ABCA13: variants seen among roughly 807,000 people sequenced by gnomAD.
ABCA13 encodes ATP-binding cassette sub-family A member 13.
In ABCA13, 476 loss-of-function variants were observed where a neutral mutation model predicts 478.7. That is an observed-to-expected ratio of 0.99 (90% CI 0.92 to 1.07). The LOEUF is 1.07. Ranked by LOEUF, ABCA13 falls within the 50% of genes least tolerant of loss-of-function variation. The probability of loss-of-function intolerance (pLI) is 0.00; values close to 1 mark genes in which losing one functional copy is unlikely to be tolerated. For missense variants in ABCA13, 6,060 were observed against 5,910.6 expected, an observed-to-expected ratio of 1.03 and a Z score of -0.83; for synonymous variants, 2,252 against 2,158.9, an observed-to-expected ratio of 1.04 and a Z score of -1.20.
intron 37 of ABCA13, among the ~76,000 whole-genome samples, chr7:48,390,422 T>C (rs577024094): frequency 2.6e-4 from 40 of 152,334 alleles, no homozygotes; most frequent in South Asian, 8.3e-4. Flanking sequence ...AACTATTTTA[T>C]AGTATCCCCC....
At chr7:48,615,423 A>T (rs1792474375) in intron 59 of ABCA13, 46 bp downstream of exon 59, 2 of 1,497,542 alleles carry the variant, frequency 1.3e-6, no homozygotes, top group Non-Finnish European at 1.8e-6. Flanking sequence ...TATGAAATCA[A>T]TAGCATGATG....
chr7:48,597,757 T>A (rs1373273855), intron 58 of ABCA13, among the ~76,000 whole-genome samples: 6 of 152,208 alleles, frequency 3.9e-5, no homozygotes, highest in Non-Finnish European at 8.8e-5. Flanking sequence ...TATTCCAATA[T>A]CTCCTCCATC....
At chr7:48,521,437 C>T (rs1479213839) in intron 53 of ABCA13, among the ~76,000 whole-genome samples, 1 of 152,070 alleles carries the variant, frequency 6.6e-6, no homozygotes, top group African/African-American at 2.4e-5. Flanking sequence ...GTTACATAAC[C>T]CCTTTTAATA....
At chr7:48,604,496 A>C (rs1047219266) in intron 58 of ABCA13, among the ~76,000 whole-genome samples, 1 of 152,046 alleles carries the variant, frequency 6.6e-6, no homozygotes, top group Admixed American at 6.6e-5. Context: ...TTACCCAGTA[A>C]TCATTCAGGA....
intron 3 of ABCA13, among the ~76,000 whole-genome samples, chr7:48,205,398 A>G (rs1784796986): frequency 6.6e-6 from 1 of 152,166 alleles, no homozygotes; most frequent in Non-Finnish European, 1.5e-5. Flanking sequence ...TTGTAATCCC[A>G]TTGTGACATG....
rs1332187832 is a variant in ABCA13 at position 48,248,361 on chromosome 7, G to C, written c.1782G>C (p.Arg594=). 9.3e-6 allele frequency: 15 copies of C among 1,613,760 alleles called. No individual in the cohort carries two copies. The highest frequency in any genetic ancestry group is 1.3e-5 in the Non-Finnish European group (15 of 1,179,738). Reference sequence around the variant, plus strand: ...CAGAAGCAAGCCTTTCCTGTACTCGGCTCTTCCTGCTGCTGGGAGCTGATC... The same window carrying C: ...CAGAAGCAAGCCTTTCCTGTACTCGCCTCTTCCTGCTGCTGGGAGCTGATC... ...QLSEASLSCT[R]LFLLLGADPS... The change falls in exon 14 of 62, where the codon CGG becomes CGC. Residue 594 remains arginine (R), a synonymous_variant. Transcript: ENST00000435803.
chr7:48,496,972 T>G (rs1292308864), intron 48 of ABCA13, among the ~76,000 whole-genome samples: 2 of 152,068 alleles, frequency 1.3e-5, no homozygotes, highest in Non-Finnish European at 2.9e-5. Flanking sequence ...TTTATGGTTT[T>G]TTTTTGCCAA....
intron 19 of ABCA13, among the ~76,000 whole-genome samples, chr7:48,287,538 T>C (rs1797934254): frequency 6.6e-6 from 1 of 152,128 alleles, no homozygotes; most frequent in Admixed American, 6.5e-5. Context: ...GCATGGGGCA[T>C]GGAGAAGACC....
intron 31 of ABCA13, among the ~76,000 whole-genome samples, chr7:48,359,265 C>T (rs889039246): frequency 2.0e-5 from 3 of 151,878 alleles, no homozygotes; most frequent in African/African-American, 7.3e-5. Flanking sequence ...GAGAAAGTTC[C>T]TCCACCTACT....
Position 48,279,014 on chromosome 7 carries a change from A to G in ABCA13, c.7820A>G (p.Tyr2607Cys), listed in dbSNP as rs1796665432. 4.3e-6 allele frequency: 7 copies of G among 1,613,254 alleles called. No individual in the cohort carries two copies. The South Asian group carries it at 7.7e-5, about 18-fold the overall frequency. The part of the protein sequence containing the change: ...LAFEMIGVEP[Y>C]ISSNSDIFSM... ...TTTGAAATGATTGGGGTAGAACCTT[A>G]TATATCATCAAACTCTGATATTTTC... Residue 2607 changes from tyrosine (Y) to cysteine (C), a missense_variant, in exon 18 of 62, where the codon TAT (tyrosine) becomes TGT (cysteine). By Grantham distance (194) the Tyr-to-Cys change is radical. Around this residue, in one of 3 missense-constraint regions of ABCA13, gnomAD observed 4,423 missense variants for 4,309.1 expected, o/e 1.03. Transcript: ENST00000435803.
At chr7:48,491,694 G>C (rs962111910) in intron 48 of ABCA13, among the ~76,000 whole-genome samples, 3 of 152,202 alleles carry the variant, frequency 2.0e-5, no homozygotes, top group African/African-American at 7.2e-5. Flanking sequence ...AGCACCACAG[G>C]AAGGTGTGTT....
At chr7:48,485,926 C>T (rs1829254741) in intron 47 of ABCA13, among the ~76,000 whole-genome samples, 1 of 152,182 alleles carries the variant, frequency 6.6e-6, no homozygotes. Flanking sequence ...CCCTCCATAG[C>T]TATGTGTGAA....
chr7:48,234,739 C>G (rs1323522760), intron 8 of ABCA13, among the ~76,000 whole-genome samples: 2 of 152,154 alleles, frequency 1.3e-5, no homozygotes, highest in Non-Finnish European at 2.9e-5. Context: ...GTCACTCCAG[C>G]CCATTTGTAG....
rs367689917 is a variant in ABCA13, at chr7:48,314,222, A to T, written c.9682-10A>T. ...TATGTAATTGCAATTTAGTTTTCTT[A>T]TTTTCTCAGGTTTCACAAAATGTCC... On this transcript the variant is annotated splice_polypyrimidine_tract_variant and intron_variant, in intron 25 of 61. Transcript: ENST00000435803. 2.5e-6 allele frequency: 4 copies of T among 1,604,574 alleles called. No individual in the cohort carries two copies. The highest frequency in any genetic ancestry group is 3.4e-6 in the Non-Finnish European group (4 of 1,177,944).
intron 43 of ABCA13, among the ~76,000 whole-genome samples, chr7:48,466,279 A>G (rs946104349): frequency 6.6e-6 from 1 of 152,204 alleles, no homozygotes; most frequent in Non-Finnish European, 1.5e-5. Flanking sequence ...TGACATGAAT[A>G]GTGTCTTATT....
intron 16 of ABCA13, among the ~76,000 whole-genome samples, chr7:48,269,890 TTA>T (rs1191177859): frequency 2.6e-5 from 4 of 152,186 alleles, no homozygotes; most frequent in Non-Finnish European, 4.4e-5. Context: ...AGCCCAGCTA[TTA>T]GTAGGAACAG....
At chr7:48,619,208 A>G (rs1296548645) in intron 59 of ABCA13, among the ~76,000 whole-genome samples, 1 of 152,200 alleles carries the variant, frequency 6.6e-6, no homozygotes, top group African/African-American at 2.4e-5. Context: ...GTGAATTTCC[A>G]AACACTTTGA....
intron 23 of ABCA13, among the ~76,000 whole-genome samples, chr7:48,304,510 C>T (rs995077320): frequency 1.3e-5 from 2 of 152,102 alleles, no homozygotes; most frequent in African/African-American, 4.8e-5. Flanking sequence ...TTAATAATAG[C>T]CTTTCTGACT....
At chr7:48,231,836 A>G (rs1364699273) in intron 7 of ABCA13, among the ~76,000 whole-genome samples, 1 of 151,946 alleles carries the variant, frequency 6.6e-6, no homozygotes, top group East Asian at 1.9e-4. Flanking sequence ...TAATTTTTGT[A>G]TTTTTAGTAG....
Sources: gnomAD v4.1 joint callset for allele counts (sites outside exome capture counted in the v4.1 genomes callset) on GRCh38, gnomAD v4.1.1 for gene constraint, gnomAD v4.1.1 regional missense constraint, MANE v1.5 for transcripts, NCBI Gene and HGNC (gene_info 2026-07-23, HGNC 2026-07-21) for gene names.